The following KSR2 variants were observed in gnomAD, a reference collection of about 807,000 sequenced individuals.
The protein encoded by KSR2 is kinase suppressor of ras 2.
A neutral mutation model predicts 107.8 loss-of-function variants in KSR2; 25 were observed. The observed-to-expected ratio is 0.23, with a 90% CI of 0.17 to 0.32. The LOEUF is 0.32. Among genes scored for constraint, KSR2 ranks in the 10% least tolerant of loss-of-function variants. The probability of loss-of-function intolerance (pLI) is 1.00; values close to 1 mark genes in which losing one functional copy is unlikely to be tolerated. For synonymous variants in KSR2, 480 were observed against 507.0 expected (o/e 0.95, Z 0.71); for missense variants, 887 against 1,268.9 (o/e 0.70, Z 4.57).
intron 4 of KSR2, among the ~76,000 whole-genome samples, chr12:117,739,168 A>T (rs2135019): frequency 0.31 from 47,097 of 151,910 alleles, 7,626 homozygotes; most frequent in East Asian, 0.57. Flanking sequence ...ATCCTGGCTG[A>T]CACGGTGAAA....
intron 4 of KSR2, among the ~76,000 whole-genome samples, chr12:117,691,377 C>T (rs1290421508): frequency 6.6e-6 from 1 of 152,146 alleles, no homozygotes; most frequent in African/African-American, 2.4e-5. Flanking sequence ...CTGACCCTCG[C>T]CTTGAGCCAC....
chr12:117,904,244 G>C (rs78817714), intron 1 of KSR2, among the ~76,000 whole-genome samples: 1 of 152,054 alleles, frequency 6.6e-6, no homozygotes, highest in Non-Finnish European at 1.5e-5. Flanking sequence ...GTTCATATCC[G>C]GGACACCAGC....
At chr12:117,634,956 C>T (rs991424487) in intron 5 of KSR2, among the ~76,000 whole-genome samples, 1 of 152,180 alleles carries the variant, frequency 6.6e-6, no homozygotes, top group Non-Finnish European at 1.5e-5. Flanking sequence ...GCTCCAGAGA[C>T]CTGAGCCCTG....
At chr12:117,781,195 C>G (rs1031322650) in intron 3 of KSR2, among the ~76,000 whole-genome samples, 1 of 152,218 alleles carries the variant, frequency 6.6e-6, no homozygotes, top group Non-Finnish European at 1.5e-5. Context: ...GCTTTTCCTT[C>G]GTCTTCCGCC....
intron 7 of KSR2, among the ~76,000 whole-genome samples, chr12:117,563,451 T>G (rs892101331): frequency 1.3e-5 from 2 of 152,182 alleles, no homozygotes; most frequent in Admixed American, 6.5e-5. Context: ...AAGCTGCCGA[T>G]CCACTCAGAG....
At chr12:117,503,301 A>G (rs79359997) in intron 14 of KSR2, among the ~76,000 whole-genome samples, 5,546 of 152,268 alleles carry the variant, frequency 0.036, 332 homozygotes, top group African/African-American at 0.13. Flanking sequence ...TGTGGTACAG[A>G]CAACACCAGT....
chr12:117,652,558 G>A (rs1231969883), intron 5 of KSR2, among the ~76,000 whole-genome samples: 1 of 152,174 alleles, frequency 6.6e-6, no homozygotes, highest in Non-Finnish European at 1.5e-5. Context: ...AGAACCCTTT[G>A]AATGAAGGGC....
intron 6 of KSR2, among the ~76,000 whole-genome samples, chr12:117,580,051 C>CAGG (rs1459682582): frequency 6.6e-6 from 1 of 152,178 alleles, no homozygotes; most frequent in Non-Finnish European, 1.5e-5. Context: ...TCACCGTCAG[C>CAGG]AGGAGTTATA....
intron 14 of KSR2, among the ~76,000 whole-genome samples, chr12:117,507,672 T>C (rs530342680): frequency 6.6e-6 from 1 of 152,300 alleles, no homozygotes; most frequent in Admixed American, 6.5e-5. Flanking sequence ...TGATTGGTTT[T>C]CTTGAGTGGG....
chr12:117,591,922 T>C (rs1019207911), intron 5 of KSR2, among the ~76,000 whole-genome samples: 1 of 151,802 alleles, frequency 6.6e-6, no homozygotes, highest in African/African-American at 2.4e-5. Flanking sequence ...GGCATGAGAA[T>C]CGCTGGAACT....
chr12:117,792,482 G>A (rs1007229821), intron 3 of KSR2, among the ~76,000 whole-genome samples: 1 of 152,206 alleles, frequency 6.6e-6, no homozygotes, highest in Non-Finnish European at 1.5e-5. Flanking sequence ...AGGGATATTG[G>A]GAGCCTCTAT....
chr12:117,846,460 G>A (rs1325227758), intron 3 of KSR2, among the ~76,000 whole-genome samples: 4 of 151,466 alleles, frequency 2.6e-5, no homozygotes, highest in African/African-American at 9.7e-5. Flanking sequence ...CACCCAGTTA[G>A]ATGGATTTTT....
Position 117,692,549 on chromosome 12 carries a change from CAT to C in KSR2, c.987-24893_987-24892del, listed in dbSNP as rs60792647. ...ACACACACACATATATATACACATA[CAT>C]ATATATATATATATGAGTTGAAAAT... is the stretch of plus-strand genomic sequence containing the variant. On this transcript the variant is annotated intron_variant, in intron 4 of 19. Coordinates refer to ENST00000339824, the MANE Select transcript of KSR2 (RefSeq NM_173598.6). 1.1e-3 allele frequency among the ~76,000 whole-genome samples: 131 copies of C among 124,470 alleles called. 3 individuals carry two copies. The highest frequency in any genetic ancestry group is 2.5e-3 in the African/African-American group (83 of 33,040). 81.7% of individuals were successfully genotyped at this position (124,470 alleles called of 152,430 possible).
chr12:117,671,079 C>T (rs969851017), intron 4 of KSR2, among the ~76,000 whole-genome samples: 9 of 152,180 alleles, frequency 5.9e-5, no homozygotes, highest in African/African-American at 2.2e-4. Context: ...GGCCCTGGGG[C>T]CTTCTCACTC....
In KSR2 at chr12:117,949,602, T is replaced by A. The variant is rs934063225; in HGVS notation, c.180+18474A>T. Reference sequence around the variant, plus strand: ...AATTGTGGCAGTAGTTACACAAATGTATACATTAAAGCTCACAGGACTGTA... The same window carrying A: ...AATTGTGGCAGTAGTTACACAAATGAATACATTAAAGCTCACAGGACTGTA... On this transcript the variant is annotated intron_variant, in intron 1 of 19. Coordinates refer to ENST00000339824, the MANE Select transcript of KSR2 (RefSeq NM_173598.6). 5.3e-5 allele frequency among the ~76,000 whole-genome samples: 8 copies of A among 152,310 alleles called. No individual in the cohort carries two copies. In the East Asian group the frequency reaches 1.5e-3, roughly 29 times the overall value.
intron 7 of KSR2, among the ~76,000 whole-genome samples, chr12:117,570,447 T>C (rs1441831707): frequency 1.3e-5 from 2 of 152,140 alleles, no homozygotes; most frequent in Non-Finnish European, 2.9e-5. Flanking sequence ...GTGCCAAGGT[T>C]GAGAAAAACT....
chr12:117,858,184 C>A (rs1330029031), intron 2 of KSR2, among the ~76,000 whole-genome samples: 3 of 152,174 alleles, frequency 2.0e-5, no homozygotes, highest in Non-Finnish European at 4.4e-5. Flanking sequence ...GTCTGCATAT[C>A]AGAACCAGCT....
chr12:117,733,620 A>G (rs1593180794), intron 4 of KSR2, among the ~76,000 whole-genome samples: 1 of 152,106 alleles, frequency 6.6e-6, no homozygotes, highest in Non-Finnish European at 1.5e-5. Flanking sequence ...TACTCCCTGG[A>G]CCCTTACAGG....
intron 14 of KSR2, among the ~76,000 whole-genome samples, chr12:117,496,395 A>T (rs1278970934): frequency 6.6e-6 from 1 of 152,200 alleles, no homozygotes; most frequent in Non-Finnish European, 1.5e-5. Flanking sequence ...ACCCTGAGAC[A>T]TGCTCTTCCC....
Sources: gnomAD v4.1 joint callset for allele counts (sites outside exome capture counted in the v4.1 genomes callset) on GRCh38, gnomAD v4.1.1 for gene constraint, MANE v1.5 for transcripts, NCBI Gene and HGNC (gene_info 2026-07-23, HGNC 2026-07-21) for gene names.